ERI1: variants seen among roughly 807,000 people sequenced by gnomAD.
ERI1 encodes 3'-5' exoribonuclease 1.
ERI1 carries 39 observed loss-of-function variants against 39.7 expected under a neutral mutation model. The ratio of observed to expected loss-of-function variants is 0.98; its 90% CI spans 0.76 to 1.28. ERI1 has a LOEUF of 1.28. Among genes scored for constraint, ERI1 ranks in the 50% most tolerant of loss-of-function variants. The probability of loss-of-function intolerance (pLI) is 0.00; values close to 1 mark genes in which losing one functional copy is unlikely to be tolerated. For synonymous variants in ERI1, 204 were observed against 149.6 expected, an observed-to-expected ratio of 1.36 and a Z score of -2.65; for missense variants, 581 against 416.9, an observed-to-expected ratio of 1.39 and a Z score of -3.43.
chr8:9,020,795 T>C (rs2117251513), intron 6 of ERI1, among the ~76,000 whole-genome samples: 1 of 152,326 alleles, frequency 6.6e-6, no homozygotes, highest in South Asian at 2.1e-4. Context: ...GCGTGTGCCG[T>C]GTAAATGTTT....
At chr8:9,060,512 G>A (rs1446757846) in intron 3 of ERI1, among the ~76,000 whole-genome samples, 1 of 152,064 alleles carries the variant, frequency 6.6e-6, no homozygotes, top group African/African-American at 2.4e-5. Context: ...TGATCTCCTT[G>A]AGGATAGATT....
chr8:9,009,581 C>T (rs1375608156), intron 2 of ERI1, among the ~76,000 whole-genome samples: 1 of 152,124 alleles, frequency 6.6e-6, no homozygotes, highest in South Asian at 2.1e-4. Context: ...TGCTCTGTCG[C>T]CAGGCTGGAG....
intron 3 of ERI1, among the ~76,000 whole-genome samples, chr8:9,061,476 T>C (rs1191174555): frequency 6.6e-6 from 1 of 152,152 alleles, no homozygotes; most frequent in Non-Finnish European, 1.5e-5. Flanking sequence ...GAGTTGACCA[T>C]AGTTTGTGAT....
intron 3 of ERI1, among the ~76,000 whole-genome samples, chr8:9,089,551 C>A (rs1160832375): frequency 6.6e-6 from 1 of 152,178 alleles, no homozygotes; most frequent in Non-Finnish European, 1.5e-5. Flanking sequence ...GAAGAAAATG[C>A]CCTATGAGGA....
intron 3 of ERI1, among the ~76,000 whole-genome samples, chr8:9,096,385 C>T (rs1799878196): frequency 6.6e-6 from 1 of 152,140 alleles, no homozygotes; most frequent in Non-Finnish European, 1.5e-5. Flanking sequence ...GACACCTACC[C>T]TTGGTTCTTC....
At chr8:9,068,815 A>T (rs922027516) in intron 3 of ERI1, among the ~76,000 whole-genome samples, 51 of 152,072 alleles carry the variant, frequency 3.4e-4, no homozygotes, top group East Asian at 1.4e-3. Flanking sequence ...TAAATTTTTT[A>T]AATTTTATTA....
At chr8:9,100,024 C>G (rs1259848385) in intron 3 of ERI1, 2 of 152,426 alleles carry the variant, frequency 1.3e-5, no homozygotes, top group Admixed American at 1.3e-4. Context: ...TTACTACAAG[C>G]CAAGCATTGC....
intron 3 of ERI1, among the ~76,000 whole-genome samples, chr8:9,084,274 A>T (rs2117458688): frequency 6.6e-6 from 1 of 152,280 alleles, no homozygotes; most frequent in South Asian, 2.1e-4. Context: ...GTCTCAAAGA[A>T]TACCGCCTCA....
chr8:9,035,767 T>C (rs913468280), downstream of ERI1, among the ~76,000 whole-genome samples: 1 of 152,236 alleles, frequency 6.6e-6, no homozygotes, highest in East Asian at 1.9e-4. Flanking sequence ...GTAGTTAGCA[T>C]AGGTAGTGAT....
chr8:9,009,112 G>A (rs187858000), intron 2 of ERI1: 196 of 455,866 alleles, frequency 4.3e-4, no homozygotes, highest in African/African-American at 3.2e-3. Context: ...CTTACTCCTG[G>A]CTTGCGTGGG....
intron 1 of ERI1, among the ~76,000 whole-genome samples, chr8:9,004,511 T>TTTTTTTTTAA (rs1815753336): frequency 1.3e-5 from 1 of 75,622 alleles, no homozygotes; most frequent in African/African-American, 4.7e-5. Context: ...TTTTTTTTTT[T>TTTTTTTTTAA]ACAAAAAGCC....
At chr8:9,075,574 C>T (rs1020068781) in intron 3 of ERI1, among the ~76,000 whole-genome samples, 2 of 151,152 alleles carry the variant, frequency 1.3e-5, no homozygotes, top group Non-Finnish European at 2.9e-5. Flanking sequence ...AAGTGGAAAT[C>T]TATTAGCCAT....
intron 3 of ERI1, chr8:9,048,472 G>A (rs968295961): frequency 6.5e-6 from 1 of 154,392 alleles, no homozygotes; most frequent in Non-Finnish European, 1.5e-5. Flanking sequence ...GGTGGAAAAT[G>A]GAGAAGACTT....
rs183918700 is a variant in ERI1, at chr8:9,097,553, C to G, written n.300-18795C>G. Among the ~76,000 whole-genome samples the G allele has an allele frequency of 1.2e-3, 185 of 151,962 alleles. 1 individual carries two copies. Among genetic ancestry groups the G allele is most frequent in the African/African-American group, 4.2e-3 (173 of 41,416 alleles). On this transcript the variant is annotated intron_variant and non_coding_transcript_variant, in intron 3 of 3. Coordinates refer to the ERI1 transcript ENST00000518663. ...ACACGGTGGCGTGCGCCTGTAGTCCCAGCTACGCAGGAGGCTGAGGCTGGA... is the reference window on the plus strand; with the variant it reads ...ACACGGTGGCGTGCGCCTGTAGTCCGAGCTACGCAGGAGGCTGAGGCTGGA...
chr8:9,036,140 A>C (rs1212085886), downstream of ERI1, among the ~76,000 whole-genome samples: 1 of 152,240 alleles, frequency 6.6e-6, no homozygotes, highest in Non-Finnish European at 1.5e-5. Flanking sequence ...TCTTGAAATG[A>C]CAGCAAAGGA....
rs1407409386 is a variant in ERI1, at chr8:9,031,651, T to A, written c.*1617T>A. ...ATATTACGTTTCCAGTTTTTTTAGC[T>A]CTATCTGCTAATTTCTTTGCCTGTT... On this transcript the variant is annotated 3_prime_UTR_variant, in exon 7 of 7. Coordinates refer to ENST00000250263, the MANE Select transcript of ERI1 (RefSeq NM_153332.4). 2 of 152,196 alleles carry A rather than the reference T, an allele frequency of 1.3e-5. No homozygotes were observed. Among genetic ancestry groups the A allele is most frequent in the Non-Finnish European group, 2.9e-5 (2 of 68,032 alleles). 9.4% of individuals were successfully genotyped at this position (152,196 alleles called of 1,614,324 possible). A position where few individuals can be genotyped will look rare whatever the true frequency, so the allele number is the denominator to read the frequency against.
chr8:9,006,031 G>A (rs1456266896), intron 1 of ERI1, among the ~76,000 whole-genome samples: 2 of 152,206 alleles, frequency 1.3e-5, no homozygotes, highest in Non-Finnish European at 2.9e-5. Context: ...TATTATATGT[G>A]ACATGTGATA....
chr8:9,007,932 ATCCTTTTTT>A (rs1563307949), intron 1 of ERI1, 29 bp from the exon 2 acceptor site: 3 of 1,529,406 alleles, frequency 2.0e-6, no homozygotes, highest in Admixed American at 2.4e-5. Flanking sequence ...TATAAACTAC[ATCCTTTTTT>A]TTTTTTTTTT....
At chr8:9,052,366 C>A (rs1326207807) in intron 3 of ERI1, among the ~76,000 whole-genome samples, 1 of 151,872 alleles carries the variant, frequency 6.6e-6, no homozygotes, top group Non-Finnish European at 1.5e-5. Flanking sequence ...AGTCAGGCGT[C>A]TCTTGCTACC....
Sources: gnomAD v4.1 joint callset for allele counts (sites outside exome capture counted in the v4.1 genomes callset) on GRCh38, gnomAD v4.1.1 for gene constraint, MANE v1.5 for transcripts, NCBI Gene and HGNC (gene_info 2026-07-23, HGNC 2026-07-21) for gene names.